PRRC2C: variants seen among roughly 807,000 people sequenced by gnomAD.
PRRC2C encodes the protein protein PRRC2C.
Under a neutral mutation model 317.2 loss-of-function variants are expected in PRRC2C, and 72 were observed. The ratio of observed to expected loss-of-function variants is 0.23; its 90% CI spans 0.19 to 0.28. PRRC2C has a LOEUF of 0.28. Ranked by LOEUF, PRRC2C falls within the 10% of genes least tolerant of loss-of-function variation. PRRC2C has a pLI of 1.00. For synonymous variants in PRRC2C, 1,296 were observed against 1,205.9 expected (o/e 1.07, Z -1.55); for missense variants, 3,074 against 3,459.7 (o/e 0.89, Z 2.80).
At chr1:171,548,922 G>T (rs748206055) in intron 17 of PRRC2C, among the ~76,000 whole-genome samples, 6 of 151,970 alleles carry the variant, frequency 3.9e-5, no homozygotes, top group African/African-American at 9.7e-5. Context: ...CTTGATCTCA[G>T]CTCATTGCAG....
intron 1 of PRRC2C, chr1:171,509,507 C>G (rs938958269): frequency 6.6e-6 from 1 of 152,050 alleles, no homozygotes; most frequent in African/African-American, 2.4e-5. Flanking sequence ...GATAAACTTT[C>G]TGTATTGCAG....
At chr1:171,582,379 A>C (rs1457167109) in intron 28 of PRRC2C, among the ~76,000 whole-genome samples, 3 of 152,212 alleles carry the variant, frequency 2.0e-5, no homozygotes, top group African/African-American at 7.2e-5. Context: ...CTTTAGACAC[A>C]GTCTGTATTC....
chr1:171,555,170 C>T (rs897747360), intron 18 of PRRC2C, among the ~76,000 whole-genome samples: 3 of 152,128 alleles, frequency 2.0e-5, no homozygotes, highest in Non-Finnish European at 2.9e-5. Context: ...TCTTTTTACT[C>T]TTTTTTCTCT....
chr1:171,535,394 G>T (rs745906409), intron 12 of PRRC2C, 34 bp from the exon 13 acceptor site: 2 of 1,577,796 alleles, frequency 1.3e-6, no homozygotes, highest in Admixed American at 1.9e-5. Context: ...TGTCATAGAT[G>T]AATACTATTA....
intron 16 of PRRC2C, among the ~76,000 whole-genome samples, chr1:171,544,330 G>T (rs969749634): frequency 2.6e-5 from 4 of 152,066 alleles, no homozygotes; most frequent in African/African-American, 9.7e-5. Flanking sequence ...CGCCATGTTT[G>T]CCAGGCTGGT....
chr1:171,536,072 G>A lies in PRRC2C; in HGVS notation c.2087G>A (p.Gly696Asp). 6.4e-7 allele frequency: 1 copy of A among 1,552,988 alleles called. No homozygotes were observed. Among genetic ancestry groups the A allele is most frequent in the Non-Finnish European group, 8.7e-7 (1 of 1,147,596 alleles). The change falls in exon 14 of 35, where the codon GGT becomes GAT. Residue 696 changes from glycine to aspartate, a missense_variant. Gly to Asp is a moderately conservative substitution (Grantham distance 94, BLOSUM62 -1). This residue lies in a region of PRRC2C where 1,320 missense variants were observed against 1,395.7 expected (regional missense o/e 0.95). Transcript: ENST00000647382. The stretch of plus-strand genomic sequence containing the variant: ...CAGTGGCAGCAGCAGCAACAGCAAG[G>A]TGTACTTCCACAGACTGTTCCTTCA... ...QQQWQQQQQQ[G>D]VLPQTVPSQP...
chr1:171,574,826 G>T, intron 24 of PRRC2C, 101 bp from the exon 25 acceptor site: 1 of 1,120,720 alleles, frequency 8.9e-7, no homozygotes, highest in Non-Finnish European at 1.3e-6. Flanking sequence ...TGTGGTTTTT[G>T]AAAGATTATA....
Position 171,584,096 on chromosome 1 carries a change from A to G in PRRC2C, c.7550A>G (p.Asn2517Ser). The change falls in exon 29 of 35, where the codon AAT becomes AGT. Residue 2517 changes from asparagine (N) to serine (S), a missense_variant. Asn to Ser is a conservative substitution (Grantham distance 46). Transcript: ENST00000647382. ...QSGLAFQQTS[N>S]TQPIPILYEH... ...GGTCTTGCCTTTCAGCAAACATCAA[A>G]TACTCAGCCCATTCCTATATTGTAT... 1.9e-6 allele frequency: 3 copies of G among 1,613,978 alleles called. No homozygotes were observed. Among genetic ancestry groups the G allele is most frequent in the Non-Finnish European group, 2.5e-6 (3 of 1,179,862 alleles).
chr1:171,540,256 A>C lies in PRRC2C; in HGVS notation c.2790A>C (p.Gly930=). The change falls in exon 16 of 35, where the codon GGA becomes GGC. Residue 930 remains glycine, a synonymous_variant. Coordinates refer to ENST00000647382, the MANE Select transcript of PRRC2C (RefSeq NM_001387844.1). ...CCCGGAAAAGAAGTGTTTCCCATGG[A>C]TCTAACCATACGCAAAAACCAGACG... ...QPSRKRSVSH[G]SNHTQKPDEQ... 6.2e-7 allele frequency: 1 copy of C among 1,613,836 alleles called. No individual in the cohort carries two copies. Among genetic ancestry groups the C allele is most frequent in the South Asian group, 1.1e-5 (1 of 91,066 alleles).
intron 23 of PRRC2C, among the ~76,000 whole-genome samples, chr1:171,570,085 A>G (rs1684490102): frequency 6.6e-6 from 1 of 152,152 alleles, no homozygotes; most frequent in African/African-American, 2.4e-5. Flanking sequence ...GAAAGCAGAA[A>G]GATCAGTTTG....
In PRRC2C at chr1:171,531,925, C is replaced by T. The variant is rs115795901; in HGVS notation, c.1255-418C>T. Among the ~76,000 whole-genome samples the T allele has an allele frequency of 3.9e-3, 587 of 152,328 alleles. 3 individuals are homozygous for T. Among genetic ancestry groups the T allele is most frequent in the African/African-American group, 0.013 (536 of 41,578 alleles). On this transcript the variant is annotated intron_variant, in intron 11 of 34. Transcript: ENST00000647382. ...TAGCTGTACCTTAATTTTCTCAGGGCTCACATGCCATCATTTTGGATATTT... is the reference window on the plus strand; with the variant it reads ...TAGCTGTACCTTAATTTTCTCAGGGTTCACATGCCATCATTTTGGATATTT...
chr1:171,546,660 T>C (rs1229145763), intron 17 of PRRC2C, among the ~76,000 whole-genome samples: 1 of 152,154 alleles, frequency 6.6e-6, no homozygotes, highest in African/African-American at 2.4e-5. Flanking sequence ...TGTACAGTGA[T>C]GCAATCTCGG....
chr1:171,527,087 T>C (rs1341219882), intron 10 of PRRC2C, among the ~76,000 whole-genome samples: 1 of 151,848 alleles, frequency 6.6e-6, no homozygotes. Context: ...CTCACAGGCA[T>C]GAGCCACCGT....
In PRRC2C at chr1:171,557,648, C is replaced by G. The variant is rs777095565; in HGVS notation, c.5536C>G (p.Leu1846Val). ...CTCAGCCCCAGCTCCAACCCCCATC[C>G]TTGCCTCAGTTTCAACCCCAGCTTC... Reference protein sequence around the residue: ...PASAPAPTPILASVSTPASVT... With the variant: ...PASAPAPTPIVASVSTPASVT... Residue 1846 changes from leucine to valine, a missense_variant, in exon 19 of 35, where the codon CTT becomes GTT. Coordinates refer to ENST00000647382, the MANE Select transcript of PRRC2C (RefSeq NM_001387844.1). The G allele has an allele frequency of 9.7e-6, 15 of 1,551,432 alleles. No homozygotes were observed. In the South Asian group the frequency reaches 1.5e-4, roughly 16 times the overall value.
chr1:171,493,042 G>A (rs996810630), intron 1 of PRRC2C, among the ~76,000 whole-genome samples: 5 of 151,574 alleles, frequency 3.3e-5, no homozygotes, highest in South Asian at 2.1e-4. Flanking sequence ...GAGCCACTGC[G>A]CCTGGCCGGG....
chr1:171,571,698 C>G (rs370278498), intron 24 of PRRC2C, among the ~76,000 whole-genome samples: 1 of 152,120 alleles, frequency 6.6e-6, no homozygotes, highest in African/African-American at 2.4e-5. Context: ...GTGTTAAGTT[C>G]CTCCCAGAGA....
intron 3 of PRRC2C, among the ~76,000 whole-genome samples, chr1:171,513,855 A>G (rs922307348): frequency 6.6e-6 from 1 of 152,220 alleles, no homozygotes; most frequent in Non-Finnish European, 1.5e-5. Context: ...GTAGTAATGT[A>G]TCAAATACGT....
intron 17 of PRRC2C, among the ~76,000 whole-genome samples, chr1:171,547,633 C>CTTTTTTTT (rs35480518): frequency 7.7e-6 from 1 of 129,838 alleles, no homozygotes; most frequent in Non-Finnish European, 1.6e-5. Context: ...AGTTTCCCTT[C>CTTTTTTTT]TTTTTTTTTT....
intron 18 of PRRC2C, among the ~76,000 whole-genome samples, chr1:171,552,017 A>T (rs1326727949): frequency 1.3e-5 from 2 of 152,200 alleles, no homozygotes; most frequent in Non-Finnish European, 2.9e-5. Context: ...TGGTAGCTTG[A>T]TGGAGATGGC....
Sources: gnomAD v4.1 joint callset for allele counts (sites outside exome capture counted in the v4.1 genomes callset) on GRCh38, gnomAD v4.1.1 for gene constraint, gnomAD v4.1.1 regional missense constraint, MANE v1.5 for transcripts, NCBI Gene and HGNC (gene_info 2026-07-23, HGNC 2026-07-21) for gene names.